Variants in CADM1 observed in about 807,000 individuals in gnomAD.
CADM1 encodes cell adhesion molecule 1.
In CADM1, 15 loss-of-function variants were observed where a neutral mutation model predicts 53.1. The observed-to-expected ratio is 0.28, with a 90% CI of 0.19 to 0.44. The LOEUF (loss-of-function observed/expected upper bound fraction) is 0.44. Ranked by LOEUF, CADM1 falls within the 20% of genes least tolerant of loss-of-function variation. The pLI, the probability that CADM1 is intolerant of heterozygous loss-of-function variation, is 1.00. For missense variants in CADM1, 434 were observed against 611.3 expected, an observed-to-expected ratio of 0.71 and a Z score of 3.06; for synonymous variants, 281 against 243.0, an observed-to-expected ratio of 1.16 and a Z score of -1.45.
chr11:115,215,128 A>C (rs1941124377), intron 6 of CADM1, among the ~76,000 whole-genome samples: 1 of 152,198 alleles, frequency 6.6e-6, no homozygotes, highest in Admixed American at 6.5e-5. Flanking sequence ...ACATCTCATT[A>C]ATTAGGAAAG....
At chr11:115,463,238 T>G in intron 1 of CADM1, among the ~76,000 whole-genome samples, 1 of 152,188 alleles carries the variant, frequency 6.6e-6, no homozygotes, top group East Asian at 1.9e-4. Context: ...ACTTATTTTT[T>G]CAGCACTTAG....
At chr11:115,422,859 G>A (rs1947793077) in intron 1 of CADM1, among the ~76,000 whole-genome samples, 1 of 152,064 alleles carries the variant, frequency 6.6e-6, no homozygotes, top group Non-Finnish European at 1.5e-5. Context: ...ACATTTTTCT[G>A]ACACTCAGAA....
At position 115,504,311 on chromosome 11, in the gene CADM1, A is replaced by AAGCCGG. The variant is rs147879356; in HGVS notation, c.78_83dup (p.Arg27_Leu28dup). ...CCGCGGCGGAGAAGAGCAACAGCAG[A>AAGCCGG]AGCCGGAGCCGGAGCCCGGGAGGCG... On this transcript the variant is annotated inframe_insertion, in exon 1 of 12. Transcript: ENST00000331581. The AAGCCGG allele has an allele frequency of 2.3e-5, 36 of 1,560,528 alleles. 1 individual carries two copies. The Middle Eastern group carries it at 1.2e-3, about 51-fold the overall frequency.
At chr11:115,199,130 A>G (rs1276789417) in intron 8 of CADM1, among the ~76,000 whole-genome samples, 3 of 152,210 alleles carry the variant, frequency 2.0e-5, no homozygotes, top group Non-Finnish European at 2.9e-5. Context: ...ACACACATCC[A>G]TTCTTCACTC....
chr11:115,276,638 G>A (rs1343819772), intron 1 of CADM1, among the ~76,000 whole-genome samples: 2 of 152,122 alleles, frequency 1.3e-5, no homozygotes, highest in Non-Finnish European at 2.9e-5. Context: ...ATAAAACTCT[G>A]GAGGGCAAGA....
chr11:115,308,630 T>C (rs1944451444), intron 1 of CADM1, among the ~76,000 whole-genome samples: 1 of 152,046 alleles, frequency 6.6e-6, no homozygotes, highest in African/African-American at 2.4e-5. Flanking sequence ...GGTATAGATA[T>C]CTATGGTACC....
chr11:115,191,662 G>A (rs965567177), intron 9 of CADM1, among the ~76,000 whole-genome samples: 4 of 152,176 alleles, frequency 2.6e-5, no homozygotes, highest in South Asian at 2.1e-4. Context: ...TGAATTAAAA[G>A]GGGTGAAGAG....
intron 1 of CADM1, among the ~76,000 whole-genome samples, chr11:115,438,312 C>A (rs990599782): frequency 4.6e-5 from 7 of 152,030 alleles, no homozygotes; most frequent in Middle Eastern, 3.2e-3. Flanking sequence ...TTTAATGAAT[C>A]TTACCAGCCC....
chr11:115,209,252 A>T (rs1474231268), intron 8 of CADM1, among the ~76,000 whole-genome samples: 1 of 152,206 alleles, frequency 6.6e-6, no homozygotes, highest in Non-Finnish European at 1.5e-5. Context: ...ATTTCATCAA[A>T]CATGTCTAAG....
chr11:115,318,858 C>T (rs1184663732), intron 1 of CADM1, among the ~76,000 whole-genome samples: 1 of 152,084 alleles, frequency 6.6e-6, no homozygotes, highest in African/African-American at 2.4e-5. Context: ...CTGTAATACA[C>T]ATAAGCATTT....
intron 1 of CADM1, among the ~76,000 whole-genome samples, chr11:115,422,963 T>C (rs1475620536): frequency 1.3e-5 from 2 of 151,644 alleles, no homozygotes; most frequent in African/African-American, 4.8e-5. Flanking sequence ...CACTTTCTCC[T>C]ACAACAAAAA....
chr11:115,396,163 G>A (rs1946989657), intron 1 of CADM1, among the ~76,000 whole-genome samples: 1 of 152,224 alleles, frequency 6.6e-6, no homozygotes. Context: ...CTTCAAAGAT[G>A]CCTCTCAGTT....
chr11:115,191,122 A>C (rs1354869331), intron 9 of CADM1, 181 bp from the exon 10 acceptor site: 1 of 594,590 alleles, frequency 1.7e-6, no homozygotes, highest in Non-Finnish European at 3.0e-6. Context: ...TTTGTTCTTA[A>C]TACGCAATCG....
intron 1 of CADM1, among the ~76,000 whole-genome samples, chr11:115,486,561 TCTCAAGCTCCTGGG>T (rs527639856): frequency 1.3e-5 from 2 of 152,034 alleles, no homozygotes; most frequent in African/African-American, 4.8e-5. Context: ...CCCAGGCTGG[TCTCAAGCTCCTGGG>T]CTCAAGCAAT....
chr11:115,278,129 T>C (rs987622325), intron 1 of CADM1, among the ~76,000 whole-genome samples: 13 of 152,182 alleles, frequency 8.5e-5, no homozygotes, highest in African/African-American at 1.9e-4. Context: ...TTATGTTGCA[T>C]AGAAGTGATC....
chr11:115,348,580 C>T lies in CADM1; in HGVS notation c.125-108160G>A, dbSNP rs1046131966. On this transcript the variant is annotated intron_variant, in intron 1 of 11. Transcript: ENST00000331581. The stretch of plus-strand genomic sequence containing the variant: ...AATGCTTTTACTTTGTTATATTCAC[C>T]GGTGCCAATTTTCACTAAGTGCACA... 6.6e-5 allele frequency among the ~76,000 whole-genome samples: 10 copies of T among 152,058 alleles called. 1 individual carries two copies. The highest frequency in any genetic ancestry group is 4.2e-4 in the South Asian group (2 of 4,818).
chr11:115,238,351 T>C (rs1323303333), intron 3 of CADM1, 149 bp downstream of exon 3: 2 of 866,598 alleles, frequency 2.3e-6, no homozygotes, highest in Non-Finnish European at 2.0e-6. Context: ...TTTGGTAAAA[T>C]AGGCTATTTT....
intron 1 of CADM1, among the ~76,000 whole-genome samples, chr11:115,328,935 A>G (rs568334815): frequency 1.5e-3 from 226 of 150,358 alleles, no homozygotes; most frequent in Admixed American, 2.5e-3. Context: ...TCTGTTTTCT[A>G]TATTAACTTT....
chr11:115,340,054 G>A (rs1262984098), intron 1 of CADM1: 2 of 152,092 alleles, frequency 1.3e-5, no homozygotes, highest in Admixed American at 6.6e-5. Flanking sequence ...AGGCATCCAA[G>A]TTATAAAGAT....
Sources: allele counts gnomAD v4.1 joint callset (sites outside exome capture counted in the v4.1 genomes callset), GRCh38; gene constraint gnomAD v4.1.1; transcripts MANE v1.5; gene names NCBI Gene and HGNC (gene_info 2026-07-23, HGNC 2026-07-21).